The following MFN2 variants were observed in gnomAD, a reference collection of about 807,000 sequenced individuals.
MFN2 encodes the protein mitofusin-2.
Under a neutral mutation model 87.5 loss-of-function variants are expected in MFN2, and 43 were observed. That is an observed-to-expected ratio of 0.49 (90% CI 0.38 to 0.63). The LOEUF is 0.63. Among genes scored for constraint, MFN2 ranks in the 30% least tolerant of loss-of-function variants. MFN2 has a pLI of 0.00. For synonymous variants in MFN2, 337 were observed against 359.9 expected (o/e 0.94, Z 0.72); for missense variants, 743 against 972.8 (o/e 0.76, Z 3.14).
In MFN2 at chr1:11,992,759, T is replaced by A; in HGVS notation, c.311+69T>A. 6.9e-6 allele frequency: 11 copies of A among 1,592,828 alleles called. 1 individual carries two copies. In the South Asian group the frequency reaches 1.1e-4, roughly 16 times the overall value. On this transcript the variant is annotated intron_variant, in intron 4 of 18. Transcript: ENST00000235329. ...AGGGAGGGAGGCACTTTGTGCAAGG[T>A]CACAGAACGTTCCAGGCAGGGACAT...
chr1:12,001,268 T>C (rs1411427156), intron 8 of MFN2, 133 bp from the exon 9 acceptor site: 6 of 1,276,028 alleles, frequency 4.7e-6, no homozygotes, highest in Non-Finnish European at 6.6e-6. Context: ...CTGCCTTGGC[T>C]TCCCAAAGTG....
intron 18 of MFN2, 34 bp from the exon 19 acceptor site, chr1:12,011,462 C>T (rs766208875): frequency 2.5e-6 from 4 of 1,612,156 alleles, no homozygotes; most frequent in Admixed American, 1.7e-5. Context: ...CTATCATCAG[C>T]TATCATGGTT....
chr1:11,999,787 C>T (rs1639091256), intron 8 of MFN2, among the ~76,000 whole-genome samples: 1 of 151,992 alleles, frequency 6.6e-6, no homozygotes, highest in African/African-American at 2.4e-5. Flanking sequence ...CGTAGCAAAA[C>T]GCCATCTCCA....
chr1:12,003,664 CAA>C lies in MFN2; in HGVS notation c.1161-313_1161-312del, dbSNP rs60299433. On this transcript the variant is annotated intron_variant, in intron 11 of 18. Coordinates refer to ENST00000235329, the MANE Select transcript of MFN2 (RefSeq NM_014874.4). This position sits in a 1 kb window ranked among gnomAD's most constrained non-coding sequence, Gnocchi z 4.1. ...GGGCAACAAGAGTGAAACTCCATCT[CAA>C]AAAAAAAAAAAAAATCATTTCTGTG... Among the ~76,000 whole-genome samples the C allele has an allele frequency of 1.8e-4, 23 of 127,230 alleles. No individual in the cohort carries two copies. Among genetic ancestry groups the C allele is most frequent in the African/African-American group, 2.3e-4 (8 of 35,464 alleles). 83.5% of individuals were successfully genotyped at this position (127,230 alleles called of 152,430 possible).
At chr1:12,001,578 C>T (rs1639175464) in intron 9 of MFN2, 24 bp downstream of exon 9, 1 of 1,614,096 alleles carries the variant, frequency 6.2e-7, no homozygotes, top group Non-Finnish European at 8.5e-7. Context: ...CAGATGTCCT[C>T]CTTTTCTCTG....
rs780450613 is a variant in MFN2 at position 12,004,548 on chromosome 1, G to C, written c.1327G>C (p.Val443Leu). The C allele has an allele frequency of 4.3e-6, 7 of 1,614,054 alleles. No individual in the cohort carries two copies. Among genetic ancestry groups the C allele is most frequent in the Non-Finnish European group, 5.9e-6 (7 of 1,180,036 alleles). ...GGCCGAGGAGATCAGGCGCCTCTCTGTACTGGTGGACGATTACCAGATGGA... is the reference window on the plus strand; with the variant it reads ...GGCCGAGGAGATCAGGCGCCTCTCTCTACTGGTGGACGATTACCAGATGGA... Reference protein sequence around the residue: ...AMAEEIRRLSVLVDDYQMDFH... With the variant: ...AMAEEIRRLSLLVDDYQMDFH... The change falls in exon 13 of 19, where the codon GTA becomes CTA. Residue 443 changes from valine (V) to leucine (L), a missense_variant. Physicochemically the swap from Val to Leu is conservative, Grantham distance 32. Transcript: ENST00000235329. This position sits in a 1 kb window ranked among gnomAD's most constrained non-coding sequence, Gnocchi z 4.2.
Position 12,013,034 on chromosome 1 carries a change from T to G in MFN2, c.*1469T>G, listed in dbSNP as rs113173297. On this transcript the variant is annotated 3_prime_UTR_variant, in exon 19 of 19. Transcript: ENST00000235329. ...ACCTGCTTGTATTTAAAGCCCTCAG[T>G]CTGTCCTGTTGTGTGGGGCGAAGTG... is the stretch of plus-strand genomic sequence containing the variant. 6 of 283,864 alleles carry G rather than the reference T, an allele frequency of 2.1e-5. No individual in the cohort carries two copies. The highest frequency in any genetic ancestry group is 9.6e-5 in the South Asian group (3 of 31,292). 17.6% of individuals were successfully genotyped at this position (283,864 alleles called of 1,614,324 possible).
In MFN2 at chr1:12,004,995, G is replaced by A; in HGVS notation, c.1495+68G>A. 1.6e-6 allele frequency: 2 copies of A among 1,267,886 alleles called. No individual in the cohort carries two copies. The highest frequency in any genetic ancestry group is 2.3e-6 in the Non-Finnish European group (2 of 886,558). 78.5% of individuals were successfully genotyped at this position (1,267,886 alleles called of 1,614,324 possible). A position where few individuals can be genotyped will look rare whatever the true frequency, so the allele number is the denominator to read the frequency against. ...CCCAAAGATCAGATGCGGAGGCCAA[G>A]CTAAAGAAATCAGGACTTTCCTTAT... On this transcript the variant is annotated intron_variant, in intron 14 of 18. Transcript: ENST00000235329. This position sits in a 1 kb window ranked among gnomAD's most constrained non-coding sequence, Gnocchi z 4.2.
chr1:11,994,752 C>G (rs1319253555), intron 4 of MFN2, among the ~76,000 whole-genome samples: 1 of 152,176 alleles, frequency 6.6e-6, no homozygotes, highest in East Asian at 1.9e-4. Context: ...TTTCTTCATC[C>G]TCACCTGGGA....
chr1:12,001,638 C>A, intron 9 of MFN2, 84 bp downstream of exon 9: 1 of 1,607,956 alleles, frequency 6.2e-7, no homozygotes, highest in Non-Finnish European at 8.5e-7. Flanking sequence ...GTAGAAAATC[C>A]TTCTGAGAAG....
At chr1:11,986,996 G>A (rs1638439909) in intron 2 of MFN2, among the ~76,000 whole-genome samples, 1 of 152,218 alleles carries the variant, frequency 6.6e-6, no homozygotes, top group Non-Finnish European at 1.5e-5. Flanking sequence ...GAGCAAGAGA[G>A]ACAGTCACAC....
At chr1:12,005,638 G>T in intron 14 of MFN2, 73 bp from the exon 15 acceptor site, 1 of 1,463,788 alleles carries the variant, frequency 6.8e-7, no homozygotes, top group Non-Finnish European at 9.6e-7. Context: ...GTAGAGCCCT[G>T]TCTCCAAGGC....
rs769882113 is a variant in MFN2, at chr1:11,998,814, A to C, written c.644A>C (p.Lys215Thr). 3 of 1,614,064 alleles carry C rather than the reference A, an allele frequency of 1.9e-6. No homozygotes were observed. Among genetic ancestry groups the C allele is most frequent in the Non-Finnish European group, 2.5e-6 (3 of 1,179,988 alleles). ...VTTELDSWID[K>T]FCLDADVFVL... is the part of the protein sequence containing the mutation. ...ACAGAGCTGGACAGCTGGATTGACA[A>C]GTTTTGTCTGGATGCTGATGTGTTT... Residue 215 changes from lysine to threonine, a missense_variant, in exon 7 of 19, where the codon AAG (lysine) becomes ACG (threonine). This residue lies in a region of MFN2 where 141 missense variants were observed against 278.9 expected (regional missense o/e 0.51). Transcript: ENST00000235329.
At chr1:11,994,089 A>G (rs906302848) in intron 4 of MFN2, among the ~76,000 whole-genome samples, 1 of 152,206 alleles carries the variant, frequency 6.6e-6, no homozygotes, top group African/African-American at 2.4e-5. Context: ...ACCATGGGGT[A>G]TCTGTTTCTA....
chr1:11,986,536 G>A (rs977272340), intron 2 of MFN2, among the ~76,000 whole-genome samples: 6 of 151,932 alleles, frequency 3.9e-5, no homozygotes, highest in Non-Finnish European at 2.9e-5. Flanking sequence ...TTTTGGGGTC[G>A]GAATTCCCAG....
intron 8 of MFN2, among the ~76,000 whole-genome samples, chr1:12,000,257 A>G (rs966066993): frequency 7.9e-5 from 12 of 151,986 alleles, no homozygotes; most frequent in Admixed American, 3.9e-4. Flanking sequence ...CAGTGGCACA[A>G]TCTCGGCTCA....
Position 12,004,935 on chromosome 1 carries a change from C to A in MFN2, c.1495+8C>A, listed in dbSNP as rs775224412. The A allele has an allele frequency of 6.3e-7, 1 of 1,599,474 alleles. No homozygotes were observed. On this transcript the variant is annotated splice_region_variant and intron_variant, in intron 14 of 18. Transcript: ENST00000235329. This position sits in a 1 kb window ranked among gnomAD's most constrained non-coding sequence, Gnocchi z 4.2. ...TGCAGCAGGACATGATAGGTTAGTG[C>A]CCATGGGGAACTGGGCAGCTGTGGC...
chr1:12,000,787 G>C (rs186153867), intron 8 of MFN2, among the ~76,000 whole-genome samples: 6 of 152,094 alleles, frequency 3.9e-5, no homozygotes, highest in African/African-American at 1.4e-4. Flanking sequence ...TGACCTCAGG[G>C]TTCCTTTCCT....
In MFN2 at chr1:12,004,721, A is replaced by C; in HGVS notation, c.1393-104A>C. 1.3e-6 allele frequency: 2 copies of C among 1,494,998 alleles called. No individual in the cohort carries two copies. The highest frequency in any genetic ancestry group is 1.9e-6 in the Non-Finnish European group (2 of 1,074,162). The allele number at this position is 1,494,998 out of a possible 1,614,324, so 92.6% of individuals were successfully genotyped here. A position where few individuals can be genotyped will look rare whatever the true frequency, so the allele number is the denominator to read the frequency against. ...AGCAGTGACAGTAGAAGCCACAGAG[A>C]CAAGGCCCAGGCTTCCGTCAGCCTT... On this transcript the variant is annotated intron_variant, in intron 13 of 18. Coordinates refer to ENST00000235329, the MANE Select transcript of MFN2 (RefSeq NM_014874.4). This position sits in a 1 kb window ranked among gnomAD's most constrained non-coding sequence, Gnocchi z 4.2.
Sources: allele counts gnomAD v4.1 joint callset (sites outside exome capture counted in the v4.1 genomes callset), GRCh38; gene constraint gnomAD v4.1.1; regional missense constraint gnomAD v4.1.1; non-coding constraint Gnocchi (gnomAD v3.1); transcripts MANE v1.5; gene names NCBI Gene and HGNC (gene_info 2026-07-23, HGNC 2026-07-21).